Variants in ATXN1 observed in about 807,000 individuals in gnomAD.
The protein encoded by ATXN1 is ataxin 1.
Under a neutral mutation model 56.4 loss-of-function variants are expected in ATXN1, and 8 were observed. The observed-to-expected ratio is 0.14, with a 90% confidence interval of 0.08 to 0.26. ATXN1 has a LOEUF of 0.26. Among genes scored for constraint, ATXN1 ranks in the 10% least tolerant of loss-of-function variants. The pLI is 1.00. For missense variants in ATXN1, 987 were observed against 1,106.5 expected, an observed-to-expected ratio of 0.89 and a Z score of 1.53; for synonymous variants, 514 against 494.6, an observed-to-expected ratio of 1.04 and a Z score of -0.52.
chr6:16,325,031 A>C (rs1410516874), intron 7 of ATXN1, among the ~76,000 whole-genome samples: 1 of 151,856 alleles, frequency 6.6e-6, no homozygotes, highest in Non-Finnish European at 1.5e-5. Context: ...TAGGAGCCTG[A>C]CTTTCATATG....
At chr6:16,334,510 G>A (rs1350641473) in intron 6 of ATXN1, among the ~76,000 whole-genome samples, 1 of 152,044 alleles carries the variant, frequency 6.6e-6, no homozygotes, top group East Asian at 1.9e-4. Flanking sequence ...GAGCCCAGGA[G>A]CTCAAGGCCA....
chr6:16,392,161 C>T (rs901058456), intron 6 of ATXN1, among the ~76,000 whole-genome samples: 1 of 152,230 alleles, frequency 6.6e-6, no homozygotes, highest in Non-Finnish European at 1.5e-5. Context: ...CCAGTGATCA[C>T]TCGTAACCTT....
intron 3 of ATXN1, among the ~76,000 whole-genome samples, chr6:16,641,042 G>A (rs1378187067): frequency 6.6e-6 from 1 of 152,200 alleles, no homozygotes. Context: ...ATTCCCTTAA[G>A]CCAAAGCCTA....
At position 16,625,006 on chromosome 6, in the gene ATXN1, G is replaced by A. The variant is rs142236902; in HGVS notation, c.-489+32770C>T. Among the ~76,000 whole-genome samples the A allele has an allele frequency of 4.6e-5, 7 of 152,200 alleles. No individual in the cohort carries two copies. The East Asian group carries it at 7.7e-4, about 17-fold the overall frequency. The stretch of plus-strand genomic sequence containing the variant: ...CTTGTTTTTGAACAGCCTAAGGTTC[G>A]GAGGACACTTTTTTAAATGTTAAAT... On this transcript the variant is annotated intron_variant, in intron 3 of 7. Transcript: ENST00000436367.
chr6:16,567,211 G>A (rs1209247413), intron 4 of ATXN1, among the ~76,000 whole-genome samples: 1 of 152,220 alleles, frequency 6.6e-6, no homozygotes, highest in Non-Finnish European at 1.5e-5. Flanking sequence ...ACTGCCAACT[G>A]AAGATGGCAG....
chr6:16,399,906 C>T (rs1431658328), intron 6 of ATXN1, among the ~76,000 whole-genome samples: 1 of 152,206 alleles, frequency 6.6e-6, no homozygotes, highest in Non-Finnish European at 1.5e-5. Context: ...CATTGACCTT[C>T]TAACTGTTGC....
chr6:16,302,076 A>C lies in ATXN1; in HGVS notation c.*4253T>G, dbSNP rs1760120046. ...GAGCTACTGTTCATCTTGAACATGCAGCATTATATTGCAATCTATGCGGTA... is the reference window on the plus strand; with the variant it reads ...GAGCTACTGTTCATCTTGAACATGCCGCATTATATTGCAATCTATGCGGTA... On this transcript the variant is annotated 3_prime_UTR_variant, in exon 8 of 8. Transcript: ENST00000436367. 1 of 152,708 alleles carries C rather than the reference A, an allele frequency of 6.5e-6. No homozygotes were observed. The highest frequency in any genetic ancestry group is 6.5e-5 in the Admixed American group (1 of 15,288). 9.5% of individuals were successfully genotyped at this position (152,708 alleles called of 1,614,324 possible). A position where few individuals can be genotyped will look rare whatever the true frequency, so the allele number is the denominator to read the frequency against.
intron 6 of ATXN1, among the ~76,000 whole-genome samples, chr6:16,406,054 A>G (rs1758679747): frequency 6.6e-6 from 1 of 152,146 alleles, no homozygotes; most frequent in Admixed American, 6.5e-5. Context: ...TGTTTGAGCT[A>G]TTTCTCTTGC....
At chr6:16,581,569 A>C (rs1318916989) in intron 4 of ATXN1, among the ~76,000 whole-genome samples, 5 of 152,152 alleles carry the variant, frequency 3.3e-5, no homozygotes, top group Admixed American at 3.3e-4. Context: ...ACAATCCCAC[A>C]AACAATGCTG....
At position 16,566,097 on chromosome 6, in the gene ATXN1, A is replaced by C. The variant is rs573135171; in HGVS notation, c.-361+19683T>G. On this transcript the variant is annotated intron_variant, in intron 4 of 7. Coordinates refer to ENST00000436367, the MANE Select transcript of ATXN1 (RefSeq NM_001128164.2). ...ATACTGGAAATTGAGAGCAGATTATAAAAGATTTACGTTGAATAACAAGAA... is the reference window on the plus strand; with the variant it reads ...ATACTGGAAATTGAGAGCAGATTATCAAAGATTTACGTTGAATAACAAGAA... Among the ~76,000 whole-genome samples the C allele has an allele frequency of 1.8e-3, 272 of 152,352 alleles. 1 individual carries two copies. The highest frequency in any genetic ancestry group is 6.3e-3 in the African/African-American group (263 of 41,578).
rs543915089 is a variant in ATXN1, at chr6:16,494,425, C to T, written c.-298-8316G>A. Among the ~76,000 whole-genome samples the T allele has an allele frequency of 9.2e-5, 14 of 152,020 alleles. No individual in the cohort carries two copies. In the South Asian group the frequency reaches 1.2e-3, roughly 14 times the overall value. On this transcript the variant is annotated intron_variant, in intron 5 of 7. Transcript: ENST00000436367. ...AAGGAATAAAATCCAAAATTAGTAC[C>T]GGCCTAAAGAACACATTATCAGAGA...
At chr6:16,312,728 C>T (rs1760423326) in intron 7 of ATXN1, among the ~76,000 whole-genome samples, 1 of 152,098 alleles carries the variant, frequency 6.6e-6, no homozygotes, top group Non-Finnish European at 1.5e-5. Context: ...TGACCAAGGA[C>T]AAAGAAGTTC....
intron 3 of ATXN1, among the ~76,000 whole-genome samples, chr6:16,648,875 A>G (rs1386145244): frequency 1.3e-5 from 2 of 152,276 alleles, no homozygotes; most frequent in Non-Finnish European, 2.9e-5. Flanking sequence ...AAAAATGACA[A>G]ATCTCAAACT....
At position 16,370,689 on chromosome 6, in the gene ATXN1, C is replaced by A. The variant is rs557245119; in HGVS notation, c.-160-42219G>T. Among the ~76,000 whole-genome samples, 6 of 152,250 alleles carry A rather than the reference C, an allele frequency of 3.9e-5. No individual in the cohort carries two copies. In the South Asian group the frequency reaches 1.2e-3, roughly 32 times the overall value. The stretch of plus-strand genomic sequence containing the variant: ...TTTCTTTTTTAAAGCTCACATATAT[C>A]TATGCATGTTTACAAAGTTAGAATA... On this transcript the variant is annotated intron_variant, in intron 6 of 7. Transcript: ENST00000436367.
chr6:16,760,919 C>T lies in ATXN1; in HGVS notation c.-730+379G>A, dbSNP rs1435973280. 6.7e-6 allele frequency among the ~76,000 whole-genome samples: 1 copy of T among 148,744 alleles called. No individual in the cohort carries two copies. Among genetic ancestry groups the T allele is most frequent in the African/African-American group, 2.4e-5 (1 of 40,858 alleles). ...GAGCGGGGCGCCGCCGCCGCTCTCC[C>T]CGCCCGCGCCCCCCGCCCGGGCGCG... On this transcript the variant is annotated intron_variant, in intron 1 of 7. Coordinates refer to ENST00000436367, the MANE Select transcript of ATXN1 (RefSeq NM_001128164.2). This position sits in a 1 kb window ranked among gnomAD's most constrained non-coding sequence, Gnocchi z 5.3.
intron 4 of ATXN1, among the ~76,000 whole-genome samples, chr6:16,542,728 G>T (rs1043270588): frequency 1.3e-5 from 2 of 152,118 alleles, no homozygotes; most frequent in Non-Finnish European, 2.9e-5. Context: ...CCCAGTGGAC[G>T]CCTAAAACCA....
chr6:16,711,013 G>T (rs899626274), intron 2 of ATXN1, among the ~76,000 whole-genome samples: 1 of 152,080 alleles, frequency 6.6e-6, no homozygotes, highest in African/African-American at 2.4e-5. Context: ...CTCCCAAGGT[G>T]CTGGGATTAC....
chr6:16,487,521 C>T (rs1433288100), intron 5 of ATXN1, among the ~76,000 whole-genome samples: 2 of 152,158 alleles, frequency 1.3e-5, no homozygotes, highest in African/African-American at 4.8e-5. Flanking sequence ...TTAACCATCA[C>T]TTTCATAATG....
chr6:16,690,383 G>T (rs1759020868), intron 2 of ATXN1, among the ~76,000 whole-genome samples: 1 of 151,546 alleles, frequency 6.6e-6, no homozygotes, highest in Admixed American at 6.6e-5. Context: ...CTGGCAACTA[G>T]ATGTGTGAGT....
Sources: allele counts gnomAD v4.1 joint callset (sites outside exome capture counted in the v4.1 genomes callset), GRCh38; gene constraint gnomAD v4.1.1; non-coding constraint Gnocchi (gnomAD v3.1); transcripts MANE v1.5; gene names NCBI Gene and HGNC (gene_info 2026-07-23, HGNC 2026-07-21).